Variants in PCDHGA8 observed in about 807,000 individuals in gnomAD.
The protein encoded by PCDHGA8 is protocadherin gamma subfamily A, 8.
A neutral mutation model predicts 59.2 loss-of-function variants in PCDHGA8; 45 were observed. The ratio of observed to expected loss-of-function variants is 0.76; its 90% CI spans 0.60 to 0.98. PCDHGA8 has a LOEUF of 0.98. Among genes scored for constraint, PCDHGA8 ranks in the 50% least tolerant of loss-of-function variants. The pLI is 0.00. For missense variants in PCDHGA8, 1,257 were observed against 1,196.2 expected, an observed-to-expected ratio of 1.05 and a Z score of -0.75; for synonymous variants, 531 against 519.0, an observed-to-expected ratio of 1.02 and a Z score of -0.32.
chr5:141,431,355 C>T lies in PCDHGA8; in HGVS notation c.2424+36118C>T. 1 of 1,614,054 alleles carries T rather than the reference C, an allele frequency of 6.2e-7. No homozygotes were observed. Among genetic ancestry groups the T allele is most frequent in the South Asian group, 1.1e-5 (1 of 91,082 alleles). ...TACCCCGAATTGGTGCTGAAACGCG[C>T]CCTGGACCGCGAAGAAAAGGCTGCT... On this transcript the variant is annotated intron_variant, in intron 1 of 3. Transcript: ENST00000398604. The surrounding 1 kb of genome is among the most constrained non-coding windows in gnomAD (Gnocchi z 4.8).
chr5:141,468,790 C>T (rs1215557602), intron 1 of PCDHGA8, among the ~76,000 whole-genome samples: 10 of 151,564 alleles, frequency 6.6e-5, no homozygotes, highest in African/African-American at 2.2e-4. Context: ...GGCGTGAACC[C>T]GGGAGGCGGA....
chr5:141,405,351 C>T (rs2094645564), intron 1 of PCDHGA8: 1 of 1,613,962 alleles, frequency 6.2e-7, no homozygotes, highest in Non-Finnish European at 8.5e-7. Context: ...TCCAAGTTTC[C>T]TATAGAAGAC....
At chr5:141,408,598 A>G (rs1391583761) in intron 1 of PCDHGA8, 1 of 1,614,070 alleles carries the variant, frequency 6.2e-7, no homozygotes, top group Admixed American at 1.7e-5. Flanking sequence ...ACGCCCCTCA[A>G]TTTGATAAAA....
intron 1 of PCDHGA8, chr5:141,419,472 G>A (rs1392935171): frequency 6.2e-7 from 1 of 1,612,330 alleles, no homozygotes; most frequent in Non-Finnish European, 8.5e-7. Flanking sequence ...CGCGACCAGG[G>A]CTCGCCCGCG....
chr5:141,404,405 TC>T, intron 1 of PCDHGA8: 1 of 1,613,914 alleles, frequency 6.2e-7, no homozygotes, highest in South Asian at 1.1e-5. Flanking sequence ...CAATGAGAAT[TC>T]TAGAGTTATT....
chr5:141,408,570 T>C (rs1184307323), intron 1 of PCDHGA8: 5 of 1,613,966 alleles, frequency 3.1e-6, no homozygotes, highest in East Asian at 2.2e-5. Context: ...ATTGTGGTGA[T>C]TGAGGATGTT....
intron 1 of PCDHGA8, chr5:141,484,904 C>A: frequency 2.5e-6 from 1 of 405,682 alleles, no homozygotes; most frequent in Non-Finnish European, 4.4e-6. Context: ...TCCAATGCTG[C>A]GACGCATTAA....
chr5:141,455,542 C>T (rs2154565110), intron 1 of PCDHGA8, among the ~76,000 whole-genome samples: 1 of 152,246 alleles, frequency 6.6e-6, no homozygotes, highest in African/African-American at 2.4e-5. Flanking sequence ...ATATCATTCA[C>T]GTAGCCCGAG....
At chr5:141,466,583 C>T (rs2099125595) in intron 1 of PCDHGA8, among the ~76,000 whole-genome samples, 1 of 152,184 alleles carries the variant, frequency 6.6e-6, no homozygotes, top group Admixed American at 6.6e-5. Flanking sequence ...CTCATCCCTT[C>T]TTAAAACAAG....
chr5:141,487,968 T>C lies in PCDHGA8; in HGVS notation c.2425-6839T>C, dbSNP rs2099670029. Among the ~76,000 whole-genome samples the C allele has an allele frequency of 6.6e-6, 1 of 152,236 alleles. No individual in the cohort carries two copies. The highest frequency in any genetic ancestry group is 1.5e-5 in the Non-Finnish European group (1 of 68,050). On this transcript the variant is annotated intron_variant, in intron 1 of 3. Transcript: ENST00000398604. This position sits in a 1 kb window ranked among gnomAD's most constrained non-coding sequence, Gnocchi z 5.0. The stretch of plus-strand genomic sequence containing the variant: ...AGGCAGTCACTTGGACAAAGGTGGC[T>C]GTTTTCTCTACTCTTCCTGAAAGAG...
At chr5:141,426,810 C>T (rs769435523) in intron 1 of PCDHGA8, 4 of 456,568 alleles carry the variant, frequency 8.8e-6, no homozygotes, top group Non-Finnish European at 1.8e-5. Flanking sequence ...TTCTAATGAA[C>T]ATTTCTCTCT....
chr5:141,415,119 G>A, intron 1 of PCDHGA8: 1 of 1,613,666 alleles, frequency 6.2e-7, no homozygotes, highest in African/African-American at 1.3e-5. Flanking sequence ...GCCTCGTAGT[G>A]GCCGTCCAGG....
chr5:141,482,503 C>A (rs375429072), intron 1 of PCDHGA8, among the ~76,000 whole-genome samples: 2 of 136,154 alleles, frequency 1.5e-5, no homozygotes, highest in South Asian at 4.4e-4. Context: ...CATTCTGGTA[C>A]CCAGAGTACA....
Position 141,476,209 on chromosome 5 carries a change from G to T in PCDHGA8, c.2425-18598G>T, listed in dbSNP as rs749576231. On this transcript the variant is annotated intron_variant, in intron 1 of 3. Coordinates refer to ENST00000398604, the MANE Select transcript of PCDHGA8 (RefSeq NM_032088.2). The surrounding 1 kb of genome is among the most constrained non-coding windows in gnomAD (Gnocchi z 7.6). ...TTGGTGCCTTGAACAAGGCTTCCAC[G>T]GTCATTCACTATGAGATCCCGGAGG... The T allele has an allele frequency of 6.2e-6, 10 of 1,613,974 alleles. No individual in the cohort carries two copies. Among genetic ancestry groups the T allele is most frequent in the Non-Finnish European group, 8.5e-6 (10 of 1,180,026 alleles).
At chr5:141,426,586 G>A (rs2096944939) in intron 1 of PCDHGA8, 1 of 363,442 alleles carries the variant, frequency 2.8e-6, no homozygotes, top group African/African-American at 2.1e-5. Flanking sequence ...AAAATCCTCT[G>A]TGTCATACCC....
At chr5:141,484,958 G>T in intron 1 of PCDHGA8, 1 of 575,874 alleles carries the variant, frequency 1.7e-6, no homozygotes. Flanking sequence ...TATTGGCTGA[G>T]CCCGGGAGCC....
chr5:141,400,314 C>G (rs764415393), intron 1 of PCDHGA8: 1 of 1,614,078 alleles, frequency 6.2e-7, no homozygotes, highest in Non-Finnish European at 8.5e-7. Flanking sequence ...GTCTCTGTGT[C>G]AAGTCTGGAC....
intron 1 of PCDHGA8, chr5:141,409,349 A>G: frequency 6.2e-7 from 1 of 1,614,030 alleles, no homozygotes. Context: ...TGGAGAAGTC[A>G]GGTGTAATAT....
At position 141,431,052 on chromosome 5, in the gene PCDHGA8, G is replaced by A. The variant is rs148326556; in HGVS notation, c.2424+35815G>A. On this transcript the variant is annotated intron_variant, in intron 1 of 3. Transcript: ENST00000398604. The surrounding 1 kb of genome is among the most constrained non-coding windows in gnomAD (Gnocchi z 4.8). Reference sequence around the variant, plus strand: ...ATAGACCGGGAGGAGCTCTGTATGGGGGCCATCAAGTGTCAATTAAATCTA... The same window carrying A: ...ATAGACCGGGAGGAGCTCTGTATGGAGGCCATCAAGTGTCAATTAAATCTA... 2 of 1,614,228 alleles carry A rather than the reference G, an allele frequency of 1.2e-6. No individual in the cohort carries two copies. The highest frequency in any genetic ancestry group is 1.7e-6 in the Non-Finnish European group (2 of 1,180,044).
Sources: allele counts gnomAD v4.1 joint callset (sites outside exome capture counted in the v4.1 genomes callset), GRCh38; gene constraint gnomAD v4.1.1; non-coding constraint Gnocchi (gnomAD v3.1); transcripts MANE v1.5; gene names NCBI Gene and HGNC (gene_info 2026-07-23, HGNC 2026-07-21).